Variants in DLG2 observed in about 807,000 individuals in gnomAD.
The protein encoded by DLG2 is disks large homolog 2.
DLG2 carries 45 observed loss-of-function variants against 132.5 expected under a neutral mutation model. That is an observed-to-expected ratio of 0.34 (90% CI 0.27 to 0.44). The LOEUF (loss-of-function observed/expected upper bound fraction) is 0.44, where lower values mean the gene tolerates loss of function less well. Among genes scored for constraint, DLG2 ranks in the 20% least tolerant of loss-of-function variants. The pLI is 1.00. For missense variants in DLG2, 1,045 were observed against 1,196.9 expected (o/e 0.87, Z 1.87); for synonymous variants, 424 against 419.6 (o/e 1.01, Z -0.13).
intron 21 of DLG2, among the ~76,000 whole-genome samples, chr11:83,487,094 G>A (rs1402933463): frequency 6.6e-6 from 1 of 151,922 alleles, no homozygotes; most frequent in Non-Finnish European, 1.5e-5. Flanking sequence ...GCAACTGATG[G>A]CTGATTTACA....
intron 7 of DLG2, among the ~76,000 whole-genome samples, chr11:84,510,324 T>C (rs2099253808): frequency 6.6e-6 from 1 of 152,022 alleles, no homozygotes; most frequent in African/African-American, 2.4e-5. Context: ...ACCCAAGAAT[T>C]CTCAAGATCA....
chr11:83,741,711 TA>T (rs1454000841), intron 18 of DLG2, among the ~76,000 whole-genome samples: 1 of 151,972 alleles, frequency 6.6e-6, no homozygotes, highest in African/African-American at 2.4e-5. Flanking sequence ...ATCAATATTA[TA>T]AAAATGGCCA....
At chr11:83,515,553 C>T (rs1308624990) in intron 21 of DLG2, among the ~76,000 whole-genome samples, 4 of 152,022 alleles carry the variant, frequency 2.6e-5, no homozygotes, top group African/African-American at 9.7e-5. Flanking sequence ...AGTTATTTCT[C>T]ACCTTCTGAT....
intron 12 of DLG2, among the ~76,000 whole-genome samples, chr11:83,967,254 C>T (rs974311309): frequency 6.6e-6 from 1 of 152,002 alleles, no homozygotes; most frequent in Admixed American, 6.6e-5. Flanking sequence ...TATAACAAGA[C>T]CAGAGATTGC....
intron 6 of DLG2, among the ~76,000 whole-genome samples, chr11:84,799,052 T>C (rs1166238118): frequency 8.5e-5 from 13 of 152,194 alleles, no homozygotes; most frequent in Admixed American, 8.5e-4. Flanking sequence ...AAGTACTCCC[T>C]GAGCCATCCC....
In DLG2 at chr11:83,604,533, G is replaced by C. The variant is rs554664537; in HGVS notation, c.1940+28678C>G. 2.0e-5 allele frequency among the ~76,000 whole-genome samples: 3 copies of C among 152,148 alleles called. No homozygotes were observed. The South Asian group carries it at 6.2e-4, about 32-fold the overall frequency. On this transcript the variant is annotated intron_variant, in intron 19 of 27. Transcript: ENST00000376104. ...TTTGTCAAATTTCAGGGTTTTTTAG[G>C]GTAGTGAAAGTACTCCATACGATAC...
intron 7 of DLG2, among the ~76,000 whole-genome samples, chr11:84,448,061 T>G (rs1456311355): frequency 1.3e-5 from 2 of 152,052 alleles, no homozygotes; most frequent in Non-Finnish European, 2.9e-5. Flanking sequence ...ATTTAATAAT[T>G]TAGTAACTGA....
At chr11:83,802,725 T>C (rs938108755) in intron 17 of DLG2, among the ~76,000 whole-genome samples, 5 of 152,042 alleles carry the variant, frequency 3.3e-5, no homozygotes, top group Non-Finnish European at 7.4e-5. Context: ...TAAAAAAAAG[T>C]CATTATCTAT....
chr11:85,397,164 T>C (rs986285412), intron 3 of DLG2, among the ~76,000 whole-genome samples: 1 of 152,206 alleles, frequency 6.6e-6, no homozygotes, highest in Non-Finnish European at 1.5e-5. Context: ...CAGAATTTCA[T>C]ATCCAGCCAA....
intron 6 of DLG2, among the ~76,000 whole-genome samples, chr11:84,992,474 A>G (rs1218868313): frequency 1.3e-5 from 2 of 152,216 alleles, no homozygotes; most frequent in Non-Finnish European, 2.9e-5. Context: ...CCTTCTCTTT[A>G]GCATCTCCTG....
At chr11:85,063,165 C>A (rs896326009) in intron 6 of DLG2, among the ~76,000 whole-genome samples, 1 of 151,836 alleles carries the variant, frequency 6.6e-6, no homozygotes, top group Non-Finnish European at 1.5e-5. Context: ...GGCTTACCAT[C>A]TCTTGGAAGT....
intron 3 of DLG2, among the ~76,000 whole-genome samples, chr11:85,548,835 T>TC (rs1182543878): frequency 1.3e-5 from 2 of 152,004 alleles, no homozygotes; most frequent in Non-Finnish European, 1.5e-5. Flanking sequence ...TGGATGCCCT[T>TC]CCCCCCACCA....
rs548126666 is a variant in DLG2, at chr11:83,698,705, C to T, written c.1826-65380G>A. Among the ~76,000 whole-genome samples, 3 of 152,288 alleles carry T rather than the reference C, an allele frequency of 2.0e-5. No individual in the cohort carries two copies. The South Asian group carries it at 6.2e-4, about 32-fold the overall frequency. On this transcript the variant is annotated intron_variant, in intron 18 of 27. Transcript: ENST00000376104. Reference sequence around the variant, plus strand: ...TCATGAGATGATAATAATATCTTTACTGAGTTTTTGCCATGTGCCAAGCTC... The same window carrying T: ...TCATGAGATGATAATAATATCTTTATTGAGTTTTTGCCATGTGCCAAGCTC...
chr11:84,055,898 T>A (rs2096490107), intron 11 of DLG2, among the ~76,000 whole-genome samples: 1 of 152,090 alleles, frequency 6.6e-6, no homozygotes, highest in Admixed American at 6.6e-5. Context: ...TACTAAACAA[T>A]ACGTATTTGT....
At chr11:85,010,014 T>C (rs2059014006) in intron 6 of DLG2, among the ~76,000 whole-genome samples, 1 of 152,078 alleles carries the variant, frequency 6.6e-6, no homozygotes, top group African/African-American at 2.4e-5. Flanking sequence ...AATCACACTA[T>C]GAACCTAGCC....
chr11:84,838,168 G>A (rs2080077575), intron 6 of DLG2, among the ~76,000 whole-genome samples: 1 of 151,856 alleles, frequency 6.6e-6, no homozygotes, highest in African/African-American at 2.4e-5. Context: ...ACCTAATTAT[G>A]TACATATTAG....
intron 7 of DLG2, among the ~76,000 whole-genome samples, chr11:84,343,798 T>C (rs1056694458): frequency 2.6e-5 from 4 of 152,194 alleles, no homozygotes; most frequent in Non-Finnish European, 5.9e-5. Flanking sequence ...ATTGAATTTA[T>C]TTAAAATAGC....
intron 3 of DLG2, among the ~76,000 whole-genome samples, chr11:85,319,869 A>AT (rs2080936503): frequency 1.3e-5 from 2 of 151,894 alleles, no homozygotes; most frequent in South Asian, 4.1e-4. Context: ...CATAAATTTT[A>AT]TTTCTAAGTA....
At chr11:84,889,485 C>A (rs915687771) in intron 6 of DLG2, among the ~76,000 whole-genome samples, 1 of 152,054 alleles carries the variant, frequency 6.6e-6, no homozygotes, top group Non-Finnish European at 1.5e-5. Context: ...AGTATTCCTA[C>A]AAACAACCAT....
Sources: gnomAD v4.1 joint callset for allele counts (sites outside exome capture counted in the v4.1 genomes callset) on GRCh38, gnomAD v4.1.1 for gene constraint, MANE v1.5 for transcripts, NCBI Gene and HGNC (gene_info 2026-07-23, HGNC 2026-07-21) for gene names.